Variants in RAPGEF2 observed in about 807,000 individuals in gnomAD.
RAPGEF2 encodes PDZ domain containing guanine nucleotide exchange factor (GEF) 1.
RAPGEF2 carries 54 observed loss-of-function variants against 186.7 expected under a neutral mutation model. The observed-to-expected ratio is 0.29, with a 90% CI of 0.23 to 0.36. The LOEUF (loss-of-function observed/expected upper bound fraction) is 0.36. RAPGEF2 is among the 10% of genes least tolerant of loss of function. The pLI, the probability that RAPGEF2 is intolerant of heterozygous loss-of-function variation, is 1.00. For synonymous variants in RAPGEF2, 712 were observed against 705.9 expected (o/e 1.01, Z -0.14); for missense variants, 1,532 against 2,045.0 (o/e 0.75, Z 4.84).
At position 159,249,273 on chromosome 4, in the gene RAPGEF2, T is replaced by TA. The variant is rs931305787; in HGVS notation, c.543+5489dup. Among the ~76,000 whole-genome samples, 9 of 148,736 alleles carry TA rather than the reference T, an allele frequency of 6.1e-5. No homozygotes were observed. The East Asian group carries it at 1.6e-3, about 26-fold the overall frequency. ...ATTTTGCAGAGCTACATGCTGATTT[T>TA]AAAAAAAGTCTCTTTTTTTTTTTTT... is the stretch of plus-strand genomic sequence containing the variant. On this transcript the variant is annotated intron_variant, in intron 7 of 29. Transcript: ENST00000691494.
intron 4 of RAPGEF2, among the ~76,000 whole-genome samples, chr4:159,217,363 C>T (rs1009475751): frequency 2.0e-5 from 3 of 152,110 alleles, no homozygotes; most frequent in African/African-American, 7.2e-5. Flanking sequence ...TTGTTGTTGC[C>T]ATGTTTATGT....
At chr4:159,271,507 A>C (rs1758127354) in intron 7 of RAPGEF2, among the ~76,000 whole-genome samples, 1 of 152,208 alleles carries the variant, frequency 6.6e-6, no homozygotes. Flanking sequence ...AATTCTTAAG[A>C]AACAGTATTA....
intron 7 of RAPGEF2, among the ~76,000 whole-genome samples, chr4:159,270,501 C>G (rs1757992617): frequency 6.6e-6 from 1 of 152,066 alleles, no homozygotes; most frequent in Non-Finnish European, 1.5e-5. Context: ...TTGACTGCAG[C>G]AGGTAGTGCA....
intron 1 of RAPGEF2, among the ~76,000 whole-genome samples, chr4:159,119,498 G>A (rs1739428278): frequency 6.6e-6 from 1 of 152,162 alleles, no homozygotes. Context: ...GTGAGCTGAT[G>A]TATTTCTCCA....
intron 3 of RAPGEF2, among the ~76,000 whole-genome samples, chr4:159,208,593 G>C (rs1293316352): frequency 1.3e-5 from 2 of 152,162 alleles, no homozygotes; most frequent in Non-Finnish European, 2.9e-5. Context: ...ACCAGTCTTG[G>C]ACTTCCAGTG....
chr4:159,129,907 C>G (rs923072004), intron 1 of RAPGEF2, among the ~76,000 whole-genome samples: 2 of 151,992 alleles, frequency 1.3e-5, no homozygotes, highest in Non-Finnish European at 1.5e-5. Context: ...ATAGAGCAGC[C>G]CTGAGGACTG....
chr4:159,277,778 A>AT (rs1291395747), intron 7 of RAPGEF2, among the ~76,000 whole-genome samples: 2 of 151,282 alleles, frequency 1.3e-5, no homozygotes, highest in African/African-American at 2.4e-5. Context: ...GGGTTGTTTG[A>AT]TTTTTTCTTG....
chr4:159,186,616 A>C (rs1259792530), intron 1 of RAPGEF2, 26 bp from the exon 2 acceptor site: 1 of 1,274,000 alleles, frequency 7.8e-7, no homozygotes, highest in South Asian at 1.5e-5. Flanking sequence ...CAGGTCTAAT[A>C]ATTTCTATTC....
intron 5 of RAPGEF2, among the ~76,000 whole-genome samples, chr4:159,239,745 A>C (rs1036809463): frequency 6.6e-6 from 1 of 152,184 alleles, no homozygotes; most frequent in African/African-American, 2.4e-5. Context: ...CATTCAGTTG[A>C]TATTCTTACT....
intron 3 of RAPGEF2, among the ~76,000 whole-genome samples, chr4:159,194,066 G>A (rs945608918): frequency 2.0e-5 from 3 of 152,208 alleles, no homozygotes; most frequent in Non-Finnish European, 4.4e-5. Flanking sequence ...GAAGCACAAG[G>A]GAGCGTGTGA....
In RAPGEF2 at chr4:159,123,762, C is replaced by T. The variant is rs2111104402; in HGVS notation, c.69+19531C>T. Among the ~76,000 whole-genome samples, 3 of 152,198 alleles carry T rather than the reference C, an allele frequency of 2.0e-5. No individual in the cohort carries two copies. The East Asian group carries it at 5.8e-4, about 29-fold the overall frequency. ...CTCGATCTCCTGACCTCGTGATCTA[C>T]CTGCCTCGACCTCCCAAAGTGCTGG... On this transcript the variant is annotated intron_variant, in intron 1 of 29. Coordinates refer to ENST00000691494, the MANE Select transcript of RAPGEF2 (RefSeq NM_001394067.2).
intron 4 of RAPGEF2, chr4:159,229,339 T>G (rs1752373888): frequency 6.6e-6 from 1 of 152,158 alleles, no homozygotes; most frequent in Non-Finnish European, 1.5e-5. Context: ...AGGGCAAGAT[T>G]AGGGACACTG....
chr4:159,274,306 G>A (rs1018496882), intron 7 of RAPGEF2, among the ~76,000 whole-genome samples: 1 of 151,986 alleles, frequency 6.6e-6, no homozygotes, highest in Non-Finnish European at 1.5e-5. Context: ...TAACATTACT[G>A]TCATGTCTGT....
At chr4:159,288,787 C>T (rs1760823763) in intron 7 of RAPGEF2, among the ~76,000 whole-genome samples, 1 of 152,068 alleles carries the variant, frequency 6.6e-6, no homozygotes, top group South Asian at 2.1e-4. Context: ...CTTCCAGTCA[C>T]CTTGAAATTG....
intron 7 of RAPGEF2, chr4:159,267,941 G>T: frequency 7.6e-7 from 1 of 1,316,696 alleles, no homozygotes. Flanking sequence ...TTATAAAAAT[G>T]GAGACGAACA....
intron 19 of RAPGEF2, among the ~76,000 whole-genome samples, chr4:159,339,906 T>C (rs144907945): frequency 2.4e-4 from 36 of 152,360 alleles, no homozygotes; most frequent in African/African-American, 7.7e-4. Flanking sequence ...AACCAGACTT[T>C]ACTTGCTACA....
intron 7 of RAPGEF2, among the ~76,000 whole-genome samples, chr4:159,259,804 A>G (rs1756591616): frequency 6.6e-6 from 1 of 152,318 alleles, no homozygotes; most frequent in Admixed American, 6.5e-5. Context: ...ATTGAAAAAT[A>G]TAAGTAAATC....
intron 25 of RAPGEF2, 85 bp from the exon 26 acceptor site, chr4:159,350,052 A>T: frequency 1.1e-6 from 1 of 873,850 alleles, no homozygotes; most frequent in Non-Finnish European, 1.7e-6. Context: ...ATTAAATCTT[A>T]ACACAAAAAA....
chr4:159,267,144 C>T, intron 7 of RAPGEF2: 1 of 1,269,822 alleles, frequency 7.9e-7, no homozygotes, highest in South Asian at 1.3e-5. Context: ...GAGTGTGAGC[C>T]TTGCAGGTTA....
Sources: gnomAD v4.1 joint callset for allele counts (sites outside exome capture counted in the v4.1 genomes callset) on GRCh38, gnomAD v4.1.1 for gene constraint, MANE v1.5 for transcripts, NCBI Gene and HGNC (gene_info 2026-07-23, HGNC 2026-07-21) for gene names.